The following RAB27B variants were observed in gnomAD, a reference collection of about 807,000 sequenced individuals.
RAB27B encodes ras-related protein Rab-27B.
In RAB27B, 15 loss-of-function variants were observed where a neutral mutation model predicts 24.6. That is an observed-to-expected ratio of 0.61 (90% CI 0.41 to 0.94). RAB27B has a LOEUF of 0.94. RAB27B is among the 40% of genes least tolerant of loss of function. The pLI is 0.00. For synonymous variants in RAB27B, 105 were observed against 92.5 expected (o/e 1.14, Z -0.78); for missense variants, 261 against 266.8 (o/e 0.98, Z 0.15).
chr18:54,727,750 A>C (rs1909585324), intron 2 of RAB27B, among the ~76,000 whole-genome samples: 2 of 152,228 alleles, frequency 1.3e-5, no homozygotes, highest in Admixed American at 6.5e-5. Flanking sequence ...CACAGCATTT[A>C]GCAACAGCAT....
At chr18:54,753,855 C>T (rs1023127633) in intron 2 of RAB27B, among the ~76,000 whole-genome samples, 7 of 152,146 alleles carry the variant, frequency 4.6e-5, no homozygotes, top group Non-Finnish European at 7.4e-5. Flanking sequence ...TCCAGCCCAC[C>T]GGAGCCATAC....
At chr18:54,850,386 TCTTGAGACAGAGTCTCA>T (rs1399341966) in intron 1 of RAB27B, among the ~76,000 whole-genome samples, 1 of 114,690 alleles carries the variant, frequency 8.7e-6, no homozygotes, top group Non-Finnish European at 1.8e-5. Flanking sequence ...TTAGTTTTTT[TCTTGAGACAGAGTCTCA>T]CTCTGTCACC....
intron 2 of RAB27B, among the ~76,000 whole-genome samples, chr18:54,722,505 T>C (rs936194984): frequency 2.0e-5 from 3 of 152,132 alleles, no homozygotes; most frequent in Non-Finnish European, 4.4e-5. Context: ...GCCCATCACA[T>C]CCCACTTCTT....
chr18:54,773,700 G>C (rs370931450), intron 2 of RAB27B, among the ~76,000 whole-genome samples: 3 of 149,756 alleles, frequency 2.0e-5, no homozygotes, highest in Non-Finnish European at 4.4e-5. Flanking sequence ...TTTTGAGACA[G>C]AGTCTCACTC....
chr18:54,814,215 G>A (rs962024625), intron 2 of RAB27B, among the ~76,000 whole-genome samples: 2 of 152,168 alleles, frequency 1.3e-5, no homozygotes, highest in Admixed American at 6.5e-5. Context: ...TTTCAGACTT[G>A]TAGGCTATGA....
In RAB27B at chr18:54,754,306, C is replaced by G. The variant is rs543504240; in HGVS notation, c.-20+36165C>G. ...GCCTTCTACCATAATTGTAAGTTTCCTGAGGCCTCCCCAGCCATGGCTAAC... is the reference window on the plus strand; with the variant it reads ...GCCTTCTACCATAATTGTAAGTTTCGTGAGGCCTCCCCAGCCATGGCTAAC... On this transcript the variant is annotated intron_variant, in intron 2 of 4. Coordinates refer to the RAB27B transcript ENST00000586570. Among the ~76,000 whole-genome samples the G allele has an allele frequency of 2.5e-4, 38 of 150,826 alleles. No individual in the cohort carries two copies. The East Asian group carries it at 4.6e-3, about 18-fold the overall frequency.
chr18:54,813,528 C>T (rs980826184), intron 2 of RAB27B, among the ~76,000 whole-genome samples: 2 of 152,154 alleles, frequency 1.3e-5, no homozygotes, highest in African/African-American at 4.8e-5. Context: ...AGCATGGCAC[C>T]TCTGCCCTCT....
chr18:54,728,900 A>AAAAAC (rs1909632756), intron 2 of RAB27B, among the ~76,000 whole-genome samples: 1 of 63,950 alleles, frequency 1.6e-5, no homozygotes, highest in South Asian at 5.2e-4. Flanking sequence ...AAAAAAAAAA[A>AAAAAC]CCCAAAAAAA....
chr18:54,864,216 G>A (rs987970325), intron 1 of RAB27B, among the ~76,000 whole-genome samples: 2 of 152,124 alleles, frequency 1.3e-5, no homozygotes, highest in African/African-American at 2.4e-5. Context: ...GGTGTAAAGT[G>A]GTATCTCATT....
chr18:54,885,347 C>A (rs1913089299), intron 4 of RAB27B, among the ~76,000 whole-genome samples: 1 of 152,028 alleles, frequency 6.6e-6, no homozygotes, highest in Non-Finnish European at 1.5e-5. Context: ...TGTAACTTTC[C>A]ATCTTACCCG....
intron 2 of RAB27B, among the ~76,000 whole-genome samples, chr18:54,745,801 G>T (rs1598874602): frequency 7.5e-6 from 1 of 133,550 alleles, no homozygotes; most frequent in Non-Finnish European, 1.7e-5. Flanking sequence ...TTATATATAA[G>T]TATTTATAAA....
intron 1 of RAB27B, among the ~76,000 whole-genome samples, chr18:54,877,168 C>T (rs1912737077): frequency 6.6e-6 from 1 of 152,144 alleles, no homozygotes; most frequent in Non-Finnish European, 1.5e-5. Context: ...CTCATTCTCT[C>T]TCTTGCCACC....
rs1913445015 is a variant in RAB27B at position 54,893,360 on chromosome 18, T to C, written c.*3947T>C. On this transcript the variant is annotated 3_prime_UTR_variant, in exon 6 of 6. Coordinates refer to ENST00000262094, the MANE Select transcript of RAB27B (RefSeq NM_004163.4). ...TATAAAGAAGGTCTAAGAGCTGATA[T>C]TTGCCAAAGTGATAGAAGAGTTGTT... is the stretch of plus-strand genomic sequence containing the variant. 6.6e-6 allele frequency: 1 copy of C among 152,030 alleles called. No individual in the cohort carries two copies. Among genetic ancestry groups the C allele is most frequent in the Admixed American group, 6.6e-5 (1 of 15,230 alleles). The allele number at this position is 152,030 out of a possible 1,614,324, so 9.4% of individuals were successfully genotyped here. A position where few individuals can be genotyped will look rare whatever the true frequency, so the allele number is the denominator to read the frequency against.
chr18:54,812,469 A>G (rs980979430), intron 2 of RAB27B, among the ~76,000 whole-genome samples: 3 of 151,582 alleles, frequency 2.0e-5, no homozygotes, highest in Non-Finnish European at 4.4e-5. Context: ...TTACTTTGGA[A>G]ACCTTAATGT....
chr18:54,748,580 G>C (rs1693600724), intron 2 of RAB27B, among the ~76,000 whole-genome samples: 3 of 152,140 alleles, frequency 2.0e-5, no homozygotes, highest in Admixed American at 2.0e-4. Flanking sequence ...TCCTGGGGAG[G>C]CTGGTAAAAT....
At chr18:54,829,858 C>T (rs1320402427) in intron 1 of RAB27B, among the ~76,000 whole-genome samples, 3 of 152,180 alleles carry the variant, frequency 2.0e-5, no homozygotes, top group Admixed American at 2.0e-4. Context: ...CTAGCATAAT[C>T]CTCTACCCAG....
rs1056163446 is a variant in RAB27B, at chr18:54,890,568, G to T, written c.*1155G>T. The T allele has an allele frequency of 3.9e-5, 6 of 152,156 alleles. No individual in the cohort carries two copies. The highest frequency in any genetic ancestry group is 1.4e-4 in the African/African-American group (6 of 41,450). 9.4% of individuals were successfully genotyped at this position (152,156 alleles called of 1,614,324 possible). A position where few individuals can be genotyped will look rare whatever the true frequency, so the allele number is the denominator to read the frequency against. ...CTTTGAATCAATTGCAGAAATGCAGGTGTGTTACTTTGTTGATCAATAACT... is the reference window on the plus strand; with the variant it reads ...CTTTGAATCAATTGCAGAAATGCAGTTGTGTTACTTTGTTGATCAATAACT... On this transcript the variant is annotated 3_prime_UTR_variant, in exon 6 of 6. Coordinates refer to ENST00000262094, the MANE Select transcript of RAB27B (RefSeq NM_004163.4).
chr18:54,739,259 A>G (rs1034165388), intron 2 of RAB27B, among the ~76,000 whole-genome samples: 2 of 152,040 alleles, frequency 1.3e-5, no homozygotes, highest in Non-Finnish European at 2.9e-5. Context: ...GTTTCAGACC[A>G]GCCTGGCCAA....
At chr18:54,887,424 T>C (rs192851473) in intron 4 of RAB27B, among the ~76,000 whole-genome samples, 63 of 152,144 alleles carry the variant, frequency 4.1e-4, no homozygotes, top group African/African-American at 1.4e-3. Flanking sequence ...TTAGAAGATA[T>C]GCTGTATTAT....
Sources: allele counts gnomAD v4.1 joint callset (sites outside exome capture counted in the v4.1 genomes callset), GRCh38; gene constraint gnomAD v4.1.1; transcripts MANE v1.5; gene names NCBI Gene and HGNC (gene_info 2026-07-23, HGNC 2026-07-21).